ATAD2B: variants seen among roughly 807,000 people sequenced by gnomAD.
The protein encoded by ATAD2B is ATPase family AAA domain containing 2B, also known as ATPase family AAA domain-containing protein 2B.
ATAD2B carries 40 observed loss-of-function variants against 167.6 expected under a neutral mutation model. The ratio of observed to expected loss-of-function variants is 0.24; its 90% CI spans 0.19 to 0.31. ATAD2B has a LOEUF of 0.31. Among genes scored for constraint, ATAD2B ranks in the 10% least tolerant of loss-of-function variants. The pLI, the probability that ATAD2B is intolerant of heterozygous loss-of-function variation, is 1.00. For missense variants in ATAD2B, 1,242 were observed against 1,757.2 expected, an observed-to-expected ratio of 0.71 and a Z score of 5.24; for synonymous variants, 579 against 596.5, an observed-to-expected ratio of 0.97 and a Z score of 0.43.
the ATAD2B span, among the ~76,000 whole-genome samples, chr2:23,743,512 G>A: frequency 2.7e-4 from 39 of 146,000 alleles, no homozygotes; most frequent in Middle Eastern, 7.1e-3. Context: ...ACAGTGAGCC[G>A]ACATTACACC....
chr2:23,739,204 T>C, the ATAD2B span, among the ~76,000 whole-genome samples: 1 of 152,168 alleles, frequency 6.6e-6, no homozygotes, highest in Non-Finnish European at 1.5e-5. Context: ...GTGGACCTAA[T>C]AGACATCTAC....
intron 18 of ATAD2B, among the ~76,000 whole-genome samples, chr2:23,802,886 T>C (rs1683726774): frequency 6.6e-6 from 1 of 152,124 alleles, no homozygotes; most frequent in African/African-American, 2.4e-5. Context: ...GAAATGCATT[T>C]AAATTTTCAC....
chr2:23,741,940 AAC>A, the ATAD2B span, among the ~76,000 whole-genome samples: 1 of 152,226 alleles, frequency 6.6e-6, no homozygotes, highest in African/African-American at 2.4e-5. Flanking sequence ...GCAGCCAAAA[AAC>A]ACATGAAAAA....
chr2:23,772,537 T>C (rs1376546658), intron 22 of ATAD2B, among the ~76,000 whole-genome samples: 2 of 152,206 alleles, frequency 1.3e-5, no homozygotes, highest in Non-Finnish European at 2.9e-5. Context: ...ATCTGGCATA[T>C]TGTCTCTAAA....
intron 22 of ATAD2B, among the ~76,000 whole-genome samples, chr2:23,781,044 G>A (rs1300154628): frequency 2.0e-5 from 3 of 152,044 alleles, no homozygotes; most frequent in South Asian, 4.1e-4. Flanking sequence ...GTGAAAAAGC[G>A]AAAAGTGGCT....
At chr2:23,792,392 T>C (rs1200299340) in intron 19 of ATAD2B, among the ~76,000 whole-genome samples, 1 of 151,794 alleles carries the variant, frequency 6.6e-6, no homozygotes, top group East Asian at 1.9e-4. Flanking sequence ...CTTAGAATTG[T>C]TAGTCCCCAG....
At chr2:23,754,560 G>A (rs1675731332) in intron 26 of ATAD2B, 87 bp downstream of exon 26, 2 of 1,496,440 alleles carry the variant, frequency 1.3e-6, no homozygotes, top group African/African-American at 1.4e-5. Context: ...GGTTAAAGCA[G>A]GAAAACTACT....
intron 16 of ATAD2B, among the ~76,000 whole-genome samples, chr2:23,822,917 C>CAAAAAAAA (rs33911389): frequency 3.0e-5 from 2 of 66,288 alleles, no homozygotes; most frequent in Non-Finnish European, 2.6e-5. Context: ...AACTCCATCT[C>CAAAAAAAA]AAAAAAAAAA....
chr2:23,859,263 G>A (rs1477045321), intron 12 of ATAD2B, among the ~76,000 whole-genome samples: 1 of 151,902 alleles, frequency 6.6e-6, no homozygotes, highest in Non-Finnish European at 1.5e-5. Flanking sequence ...AAGATCACTA[G>A]TCTTTTGCTT....
chr2:23,839,714 T>G (rs1690579336), intron 13 of ATAD2B, among the ~76,000 whole-genome samples: 1 of 152,128 alleles, frequency 6.6e-6, no homozygotes, highest in African/African-American at 2.4e-5. Flanking sequence ...TCATACCAAG[T>G]TTTATGAAGG....
chr2:23,837,282 G>A (rs544491647), intron 13 of ATAD2B, among the ~76,000 whole-genome samples: 6 of 152,226 alleles, frequency 3.9e-5, no homozygotes, highest in Non-Finnish European at 7.3e-5. Context: ...CAGGAGTGGG[G>A]AGAGGCCAGG....
At chr2:23,855,824 G>T (rs563514182) in intron 13 of ATAD2B, among the ~76,000 whole-genome samples, 1 of 152,238 alleles carries the variant, frequency 6.6e-6, no homozygotes, top group East Asian at 1.9e-4. Flanking sequence ...AGAAGTTTGA[G>T]GTTACAGTGA....
At chr2:23,755,855 A>G (rs1319692737) in intron 25 of ATAD2B, among the ~76,000 whole-genome samples, 1 of 152,176 alleles carries the variant, frequency 6.6e-6, no homozygotes. Context: ...TAGTTCAATT[A>G]CCATATGCTA....
the ATAD2B span, among the ~76,000 whole-genome samples, chr2:23,728,235 G>T: frequency 1.3e-5 from 2 of 152,024 alleles, no homozygotes; most frequent in African/African-American, 4.8e-5. Context: ...TTAAAAAAAA[G>T]GTCTATTAAG....
At chr2:23,921,205 C>CAAAA (rs61004964) in intron 1 of ATAD2B, among the ~76,000 whole-genome samples, 394 of 30,284 alleles carry the variant, frequency 0.013, 11 homozygotes, top group East Asian at 0.018. Flanking sequence ...GACTCCATCT[C>CAAAA]AAAAAAAAAA....
intron 1 of ATAD2B, among the ~76,000 whole-genome samples, chr2:23,906,966 T>C (rs1461129311): frequency 6.7e-5 from 10 of 150,252 alleles, no homozygotes; most frequent in East Asian, 3.9e-4. Context: ...TGGGACGTAT[T>C]TCAAAATAAT....
chr2:23,757,605 A>G lies in ATAD2B; in HGVS notation c.3891T>C (p.Asp1297=), dbSNP rs1057400205. ...NGKLEVVSFC[D]SGDKCSSEQK... is the part of the protein sequence containing the mutation. ...GTTCAGAACTACATTTATCTCCACT[A>G]TCACAGAAAGAAACTACTTCAAGCT... is the stretch of plus-strand genomic sequence containing the variant. The change falls in exon 25 of 28, where the codon GAT becomes GAC. Residue 1297 remains aspartate (D), a synonymous_variant. Coordinates refer to ENST00000238789, the MANE Select transcript of ATAD2B (RefSeq NM_017552.4). 16 of 1,613,700 alleles carry G rather than the reference A, an allele frequency of 9.9e-6. No homozygotes were observed. The highest frequency in any genetic ancestry group is 1.3e-5 in the Non-Finnish European group (15 of 1,179,748).
chr2:23,767,216 C>T (rs549987302), intron 22 of ATAD2B, among the ~76,000 whole-genome samples: 7 of 152,308 alleles, frequency 4.6e-5, no homozygotes, highest in Admixed American at 2.6e-4. Context: ...ATTCCTATTA[C>T]CTGCTCTGTC....
intron 19 of ATAD2B, among the ~76,000 whole-genome samples, chr2:23,792,823 G>A (rs1031906374): frequency 5.9e-5 from 9 of 151,646 alleles, no homozygotes; most frequent in East Asian, 1.9e-4. Flanking sequence ...TTAGCTGGGC[G>A]TGGTGGCGGG....
Sources: gnomAD v4.1 joint callset for allele counts (sites outside exome capture counted in the v4.1 genomes callset) on GRCh38, gnomAD v4.1.1 for gene constraint, MANE v1.5 for transcripts, NCBI Gene and HGNC (gene_info 2026-07-23, HGNC 2026-07-21) for gene names.